Variants in NAV2 observed in about 807,000 individuals in gnomAD.
NAV2 encodes neuron navigator 2.
A neutral mutation model predicts 223.2 loss-of-function variants in NAV2; 54 were observed. The observed-to-expected ratio is 0.24, with a 90% confidence interval of 0.19 to 0.30. NAV2 has a LOEUF of 0.30. NAV2 is among the 10% of genes least tolerant of loss of function. The pLI, the probability that NAV2 is intolerant of heterozygous loss-of-function variation, is 1.00. For missense variants in NAV2, 2,806 were observed against 3,147.5 expected, an observed-to-expected ratio of 0.89 and a Z score of 2.60; for synonymous variants, 1,279 against 1,239.3, an observed-to-expected ratio of 1.03 and a Z score of -0.67.
intron 11 of NAV2, chr11:20,023,182 T>G (rs1447555960): frequency 3.3e-6 from 5 of 1,514,918 alleles, no homozygotes; most frequent in Non-Finnish European, 4.5e-6. Flanking sequence ...GTGTGGTGCA[T>G]GTACTGCCTT....
chr11:19,652,994 A>C (rs943927086), intron 1 of NAV2, among the ~76,000 whole-genome samples: 1 of 152,096 alleles, frequency 6.6e-6, no homozygotes, highest in African/African-American at 2.4e-5. Flanking sequence ...TATTTGCCAA[A>C]GCTCTAGGGA....
chr11:20,007,589 G>A (rs1591636622), intron 11 of NAV2, among the ~76,000 whole-genome samples: 1 of 152,234 alleles, frequency 6.6e-6, no homozygotes, highest in East Asian at 1.9e-4. Flanking sequence ...GTATTCATGT[G>A]CTGTTTTGCA....
rs528210266 is a variant in NAV2 at position 19,428,597 on chromosome 11, T to C, written c.75+77570T>C. 1.3e-3 allele frequency among the ~76,000 whole-genome samples: 200 copies of C among 152,368 alleles called. 1 individual carries two copies. The highest frequency in any genetic ancestry group is 4.4e-3 in the African/African-American group (185 of 41,584). ...TAAGTCTTTTGAGATCACTGGTCAA[T>C]GGTGATACTTGAATGCGAAATTTAA... On this transcript the variant is annotated intron_variant, in intron 1 of 37. Transcript: ENST00000360655.
At chr11:20,117,908 G>C (rs1178806708) in intron 37 of NAV2, among the ~76,000 whole-genome samples, 1 of 152,184 alleles carries the variant, frequency 6.6e-6, no homozygotes, top group Non-Finnish European at 1.5e-5. Flanking sequence ...AAAGAAACAA[G>C]TATAAAGAGG....
chr11:19,465,236 G>A (rs1452379223), intron 1 of NAV2, among the ~76,000 whole-genome samples: 1 of 152,192 alleles, frequency 6.6e-6, no homozygotes, highest in African/African-American at 2.4e-5. Flanking sequence ...TGGATGGGAA[G>A]GGTTCAGGGT....
At chr11:19,831,870 CAG>C (rs1468436240) in intron 1 of NAV2, among the ~76,000 whole-genome samples, 1 of 152,166 alleles carries the variant, frequency 6.6e-6, no homozygotes. Context: ...AGAATCCCAA[CAG>C]TGAAAATGAT....
chr11:19,489,023 T>C (rs781121028), intron 1 of NAV2, among the ~76,000 whole-genome samples: 1 of 152,252 alleles, frequency 6.6e-6, no homozygotes, highest in Non-Finnish European at 1.5e-5. Flanking sequence ...CTCAGGAGTC[T>C]ACCATTCAGT....
chr11:19,506,098 A>C (rs922239273), intron 1 of NAV2: 1 of 152,246 alleles, frequency 6.6e-6, no homozygotes, highest in Non-Finnish European at 1.5e-5. Flanking sequence ...GCTCCCTCTC[A>C]ACTCCTATTT....
chr11:19,965,870 A>G (rs1001230374), intron 10 of NAV2, among the ~76,000 whole-genome samples: 21 of 152,234 alleles, frequency 1.4e-4, no homozygotes, highest in Admixed American at 1.4e-3. Flanking sequence ...CTTGGAAAAC[A>G]GCAGGGCTGG....
intron 11 of NAV2, among the ~76,000 whole-genome samples, chr11:20,014,761 G>A (rs2053863184): frequency 1.3e-5 from 2 of 152,134 alleles, no homozygotes; most frequent in Admixed American, 1.3e-4. Flanking sequence ...AATTAGCTGT[G>A]TGTGGTGGTG....
intron 1 of NAV2, among the ~76,000 whole-genome samples, chr11:19,781,378 C>T (rs1030287678): frequency 1.3e-5 from 2 of 152,140 alleles, no homozygotes; most frequent in Admixed American, 6.5e-5. Flanking sequence ...CCCCTTTGAT[C>T]AGGGACATCC....
intron 1 of NAV2, among the ~76,000 whole-genome samples, chr11:19,536,512 G>C (rs2044193814): frequency 6.6e-6 from 1 of 152,150 alleles, no homozygotes; most frequent in Non-Finnish European, 1.5e-5. Context: ...ATCACAATCT[G>C]CACTTTGACA....
At chr11:19,828,602 C>T (rs1158153078) in intron 1 of NAV2, among the ~76,000 whole-genome samples, 2 of 152,272 alleles carry the variant, frequency 1.3e-5, no homozygotes, top group Non-Finnish European at 2.9e-5. Flanking sequence ...GATCCCCCCA[C>T]GTCAGCCTCC....
chr11:19,437,779 T>C (rs2133662653), intron 1 of NAV2, among the ~76,000 whole-genome samples: 1 of 152,358 alleles, frequency 6.6e-6, no homozygotes, highest in Middle Eastern at 3.4e-3. Flanking sequence ...CTACCCATTA[T>C]AAAGTTTTCT....
intron 1 of NAV2, among the ~76,000 whole-genome samples, chr11:19,724,308 C>A (rs1432055791): frequency 6.6e-6 from 1 of 152,154 alleles, no homozygotes; most frequent in East Asian, 1.9e-4. Flanking sequence ...TTGGAACCAG[C>A]CCTATGCTAT....
intron 1 of NAV2, among the ~76,000 whole-genome samples, chr11:19,798,769 GC>G (rs1468184894): frequency 1.3e-5 from 2 of 152,166 alleles, no homozygotes; most frequent in African/African-American, 2.4e-5. Flanking sequence ...TATGTAACTT[GC>G]CTGGTGTTAC....
chr11:19,749,577 A>C (rs1238601834), intron 1 of NAV2, among the ~76,000 whole-genome samples: 3 of 152,216 alleles, frequency 2.0e-5, no homozygotes, highest in African/African-American at 7.2e-5. Flanking sequence ...TTATGGGAAC[A>C]ATATCTGACC....
chr11:20,118,545 G>A lies in NAV2; in HGVS notation c.*287G>A, dbSNP rs1181858106. 3 of 254,208 alleles carry A rather than the reference G, an allele frequency of 1.2e-5. No individual in the cohort carries two copies. Among genetic ancestry groups the A allele is most frequent in the South Asian group, 1.2e-4 (1 of 8,302 alleles). The allele number at this position is 254,208 out of a possible 1,614,324, so 15.7% of individuals were successfully genotyped here. ...CCCTAAGACACTGAAGATACTTCTCGGGAAAGGATCATCGCCGTTGAAATG... is the reference window on the plus strand; with the variant it reads ...CCCTAAGACACTGAAGATACTTCTCAGGAAAGGATCATCGCCGTTGAAATG... On this transcript the variant is annotated 3_prime_UTR_variant, in exon 38 of 38. Coordinates refer to ENST00000349880, the MANE Select transcript of NAV2 (RefSeq NM_145117.5).
At chr11:19,462,628 T>C (rs1852206381) in intron 1 of NAV2, among the ~76,000 whole-genome samples, 1 of 152,226 alleles carries the variant, frequency 6.6e-6, no homozygotes, top group Non-Finnish European at 1.5e-5. Context: ...CACTGGAGCT[T>C]ACAAGGCCAA....
Sources: allele counts gnomAD v4.1 joint callset (sites outside exome capture counted in the v4.1 genomes callset), GRCh38; gene constraint gnomAD v4.1.1; transcripts MANE v1.5; gene names NCBI Gene and HGNC (gene_info 2026-07-23, HGNC 2026-07-21).